Variants in AP1M2 observed in about 807,000 individuals in gnomAD.
AP1M2 encodes the protein AP-1 complex subunit mu-2.
Under a neutral mutation model 54.6 loss-of-function variants are expected in AP1M2, and 41 were observed. That is an observed-to-expected ratio of 0.75 (90% CI 0.59 to 0.97). AP1M2 has a LOEUF of 0.97. Ranked by LOEUF, AP1M2 falls within the 50% of genes least tolerant of loss-of-function variation. The probability of loss-of-function intolerance (pLI) is 0.00; values close to 1 mark genes in which losing one functional copy is unlikely to be tolerated. For synonymous variants in AP1M2, 219 were observed against 215.9 expected (o/e 1.01, Z -0.13); for missense variants, 507 against 561.2 (o/e 0.90, Z 0.98).
At chr19:10,579,015 CTT>C (rs749676329) in intron 7 of AP1M2, 52 bp from the exon 8 acceptor site, 25,259 of 730,100 alleles carry the variant, frequency 0.035, 5 homozygotes, top group East Asian at 0.084. Context: ...TGACTCTCTT[CTT>C]TTTTTTTTTT....
At chr19:10,583,695 A>G in intron 2 of AP1M2, 22 bp from the exon 3 acceptor site, 1 of 1,609,388 alleles carries the variant, frequency 6.2e-7, no homozygotes, top group Non-Finnish European at 8.5e-7. Flanking sequence ...AGGTTAAGGA[A>G]AAGGTGCCAT....
intron 6 of AP1M2, among the ~76,000 whole-genome samples, chr19:10,580,144 C>T (rs907020671): frequency 6.7e-6 from 1 of 150,236 alleles, no homozygotes; most frequent in African/African-American, 2.5e-5. Flanking sequence ...CTCCACCTCC[C>T]GAGTTCAAGC....
At position 10,572,801 on chromosome 19, in the gene AP1M2, A is replaced by C. The variant is rs7253965; in HGVS notation, c.*265T>G. The C allele has an allele frequency of 4.6e-5, 18 of 388,292 alleles. No individual in the cohort carries two copies. The highest frequency in any genetic ancestry group is 3.5e-4 in the African/African-American group (17 of 48,488). The allele number at this position is 388,292 out of a possible 1,614,324, so 24.1% of individuals were successfully genotyped here. A position where few individuals can be genotyped will look rare whatever the true frequency, so the allele number is the denominator to read the frequency against. On this transcript the variant is annotated 3_prime_UTR_variant, in exon 12 of 12. Coordinates refer to ENST00000250244, the MANE Select transcript of AP1M2 (RefSeq NM_005498.5). The stretch of plus-strand genomic sequence containing the variant: ...TAATTGCAAGAAGGCACTCGCGAGG[A>C]GGACTTCAAGCCCCTCTTCTATTTC...
chr19:10,573,029 G>A lies in AP1M2; in HGVS notation c.*37C>T, dbSNP rs1261471713. ...CTAAAATCTGCATCCGGGGCTGTAAGGAAGCCCCGTGTTCAAGCCCCCATC... is the reference window on the plus strand; with the variant it reads ...CTAAAATCTGCATCCGGGGCTGTAAAGAAGCCCCGTGTTCAAGCCCCCATC... On this transcript the variant is annotated 3_prime_UTR_variant, in exon 12 of 12. Transcript: ENST00000250244. The A allele has an allele frequency of 1.3e-6, 2 of 1,553,464 alleles. No individual in the cohort carries two copies. Among genetic ancestry groups the A allele is most frequent in the Non-Finnish European group, 1.7e-6 (2 of 1,146,852 alleles).
At chr19:10,574,766 T>C (rs1248489877) in intron 10 of AP1M2, 138 bp downstream of exon 10, 12 of 1,226,516 alleles carry the variant, frequency 9.8e-6, no homozygotes, top group East Asian at 2.7e-5. Context: ...AAAGGTAACA[T>C]TGCTCTGGGA....
chr19:10,579,034 T>TTTTC, intron 7 of AP1M2, 71 bp from the exon 8 acceptor site: 1 of 1,119,990 alleles, frequency 8.9e-7, no homozygotes. Context: ...TTTTTTTTTT[T>TTTTC]CTTTCTTTGA....
At chr19:10,580,314 G>A (rs1917396626) in intron 6 of AP1M2, among the ~76,000 whole-genome samples, 1 of 151,520 alleles carries the variant, frequency 6.6e-6, no homozygotes, top group African/African-American at 2.4e-5. Flanking sequence ...GCCTCCCAAA[G>A]TGCTGGGATT....
Position 10,579,710 on chromosome 19 carries a change from C to T in AP1M2, c.816+6G>A. ...TCCACCCAGATGGGGCTGGACCCTG[C>T]CTCACCTGGGTGCTGAGGCGGTATG... On this transcript the variant is annotated splice_donor_region_variant and intron_variant, in intron 7 of 11. Transcript: ENST00000250244. 2 of 1,611,140 alleles carry T rather than the reference C, an allele frequency of 1.2e-6. No individual in the cohort carries two copies. Among genetic ancestry groups the T allele is most frequent in the Non-Finnish European group, 1.7e-6 (2 of 1,178,554 alleles).
intron 9 of AP1M2, among the ~76,000 whole-genome samples, chr19:10,575,443 C>G (rs937392652): frequency 1.3e-5 from 2 of 152,098 alleles, no homozygotes; most frequent in African/African-American, 4.8e-5. Flanking sequence ...CTCCCAAGAT[C>G]ATGGGGACAA....
Position 10,581,300 on chromosome 19 carries a change from G to T in AP1M2, c.639C>A (p.Gly213=), listed in dbSNP as rs749104108. 2.5e-6 allele frequency: 4 copies of T among 1,613,862 alleles called. No homozygotes were observed. The highest frequency in any genetic ancestry group is 2.2e-5 in the East Asian group (1 of 44,880). Reference sequence around the variant, plus strand: ...GCTCGAAGAGCACGCGGTCATTGAGGCCCAGCCGCAGCTCTGGCATTCCTG... The same window carrying T: ...GCTCGAAGAGCACGCGGTCATTGAGTCCCAGCCGCAGCTCTGGCATTCCTG... ...FLSGMPELRL[G]LNDRVLFELT... The change falls in exon 6 of 12, where the codon GGC becomes GGA. Residue 213 remains glycine, a synonymous_variant. Coordinates refer to ENST00000250244, the MANE Select transcript of AP1M2 (RefSeq NM_005498.5).
chr19:10,587,238 G>A lies in AP1M2; in HGVS notation c.-7C>T. Reference sequence around the variant, plus strand: ...AGACAGCCGAGGCGGACATGGTGGCGGCCGAAGGACTTAGGAGTCGGGGAG... The same window carrying A: ...AGACAGCCGAGGCGGACATGGTGGCAGCCGAAGGACTTAGGAGTCGGGGAG... On this transcript the variant is annotated 5_prime_UTR_variant, in exon 1 of 12. Coordinates refer to ENST00000250244, the MANE Select transcript of AP1M2 (RefSeq NM_005498.5). The A allele has an allele frequency of 6.4e-7, 1 of 1,563,632 alleles. No homozygotes were observed. The highest frequency in any genetic ancestry group is 8.7e-7 in the Non-Finnish European group (1 of 1,154,246).
chr19:10,579,015 C>CTTTTCTTCT, intron 7 of AP1M2, 52 bp from the exon 8 acceptor site: 1 of 742,754 alleles, frequency 1.3e-6, no homozygotes, highest in South Asian at 2.0e-5. Context: ...TGACTCTCTT[C>CTTTTCTTCT]TTTTTTTTTT....
At chr19:10,575,263 G>T (rs1387448891) in intron 9 of AP1M2, among the ~76,000 whole-genome samples, 1 of 152,148 alleles carries the variant, frequency 6.6e-6, no homozygotes, top group Non-Finnish European at 1.5e-5. Flanking sequence ...GAGGCAGGAA[G>T]ATCCCTTGAG....
At position 10,574,964 on chromosome 19, in the gene AP1M2, C is replaced by A; in HGVS notation, c.1113G>T (p.Glu371Asp). Residue 371 changes from glutamate (E) to aspartate (D), a missense_variant, in exon 10 of 12, where the codon GAG (glutamate) becomes GAT (aspartate). By Grantham distance (45) the Glu-to-Asp change is conservative. Transcript: ENST00000250244. ...GLPSVEKEEV[E>D]GRPPIGVKFE... ...ACTTGACCCCGATGGGGGGCCGGCCCTCCACCTCTTCCTTTTCCACACTGG... is the reference window on the plus strand; with the variant it reads ...ACTTGACCCCGATGGGGGGCCGGCCATCCACCTCTTCCTTTTCCACACTGG... 1 of 1,587,520 alleles carries A rather than the reference C, an allele frequency of 6.3e-7. No individual in the cohort carries two copies. Among genetic ancestry groups the A allele is most frequent in the South Asian group, 1.1e-5 (1 of 87,758 alleles).
At position 10,577,178 on chromosome 19, in the gene AP1M2, C is replaced by T. The variant is rs748129306; in HGVS notation, c.1047+20G>A. On this transcript the variant is annotated intron_variant, in intron 9 of 11. Transcript: ENST00000250244. ...CAGTCCCCTCCACCCCCAGATCCCC[C>T]GCCAGTCCCTGGTACTTACCGGGAA... 2.5e-6 allele frequency: 4 copies of T among 1,600,736 alleles called. No individual in the cohort carries two copies. Among genetic ancestry groups the T allele is most frequent in the South Asian group, 2.3e-5 (2 of 88,434 alleles).
Position 10,573,534 on chromosome 19 carries a change from A to G in AP1M2, c.1250-446T>C, listed in dbSNP as rs576896155. On this transcript the variant is annotated intron_variant, in intron 11 of 11. Coordinates refer to ENST00000250244, the MANE Select transcript of AP1M2 (RefSeq NM_005498.5). ...CAAGGCTAAGAATGGGGCTAAACACAGGTACTGTAACCATAGAAACAAGGC... is the reference window on the plus strand; with the variant it reads ...CAAGGCTAAGAATGGGGCTAAACACGGGTACTGTAACCATAGAAACAAGGC... 6.6e-5 allele frequency among the ~76,000 whole-genome samples: 10 copies of G among 152,190 alleles called. 1 individual carries two copies. The highest frequency in any genetic ancestry group is 2.4e-4 in the African/African-American group (10 of 41,518).
rs373760173 is a variant in AP1M2 at position 10,574,919 on chromosome 19, G to A, written c.1158C>T (p.Thr386=). The change falls in exon 10 of 12, where the codon ACC becomes ACT. Residue 386 remains threonine, a synonymous_variant. Transcript: ENST00000250244. The part of the protein sequence containing the change: ...IGVKFEIPYF[T]VSGIQVRYMK... ...CTTCTCTCACCTGGATCCCAGAGAC[G>A]GTGAAGTAGGGGATCTCAAACTTGA... 1.0e-5 allele frequency: 16 copies of A among 1,603,530 alleles called. No homozygotes were observed. The highest frequency in any genetic ancestry group is 6.7e-5 in the South Asian group (6 of 89,744).
intron 3 of AP1M2, 22 bp from the exon 4 acceptor site, chr19:10,581,900 G>A: frequency 6.4e-7 from 1 of 1,566,468 alleles, no homozygotes; most frequent in Non-Finnish European, 8.7e-7. Flanking sequence ...AGGAGAGAGA[G>A]ACCCACAAAA....
intron 9 of AP1M2, among the ~76,000 whole-genome samples, chr19:10,576,424 G>A (rs1178150381): frequency 6.6e-6 from 1 of 151,332 alleles, no homozygotes; most frequent in East Asian, 2.0e-4. Flanking sequence ...AACCACGCCC[G>A]GCTAATTTTT....
Sources: allele counts gnomAD v4.1 joint callset (sites outside exome capture counted in the v4.1 genomes callset), GRCh38; gene constraint gnomAD v4.1.1; transcripts MANE v1.5; gene names NCBI Gene and HGNC (gene_info 2026-07-23, HGNC 2026-07-21).